The following AP3D1 variants were observed in gnomAD, a reference collection of about 807,000 sequenced individuals.
AP3D1 encodes adaptor related protein complex 3 subunit delta 1.
AP3D1 carries 51 observed loss-of-function variants against 147.6 expected under a neutral mutation model. The ratio of observed to expected loss-of-function variants is 0.35; its 90% CI spans 0.28 to 0.44. AP3D1 has a LOEUF of 0.44. AP3D1 is among the 20% of genes least tolerant of loss of function. The pLI is 1.00. For synonymous variants in AP3D1, 760 were observed against 663.0 expected, an observed-to-expected ratio of 1.15 and a Z score of -2.25; for missense variants, 1,421 against 1,624.2, an observed-to-expected ratio of 0.87 and a Z score of 2.15.
In AP3D1 at chr19:2,129,448, G is replaced by T; in HGVS notation, c.602C>A (p.Ser201Ter). The T allele has an allele frequency of 6.2e-7, 1 of 1,613,752 alleles. No individual in the cohort carries two copies. Among genetic ancestry groups the T allele is most frequent in the Non-Finnish European group, 8.5e-7 (1 of 1,179,790 alleles). The change falls in exon 7 of 32, where the codon TCG becomes TAG. Residue 201 changes from serine to a stop codon, truncating the protein, a stop_gained. Transcript: ENST00000643116. LOFTEE classifies it high-confidence loss of function. ...KLEDPDPGVQSAAVNVICELA... is the reference protein window; with the variant it reads ...KLEDPDPGVQ ...CTCGCAGATGACATTGACGGCAGCC[G>T]ACTGAACCCCTGGGGAACAAGGGGT...
At chr19:2,111,173 G>C (rs917726801) in intron 26 of AP3D1, 112 bp downstream of exon 26, 76 of 1,368,462 alleles carry the variant, frequency 5.6e-5, no homozygotes, top group Non-Finnish European at 7.7e-5. Context: ...GGAATCACAG[G>C]CCCTGGGTAT....
chr19:2,120,486 CAG>C lies in AP3D1; in HGVS notation c.1481+374_1481+375del, dbSNP rs1211838829. Reference sequence around the variant, plus strand: ...GAGCTCCCACCTCACCTACAGCAAACAGGGCTCAGAAGGGCTGCCACGCGCCC... The same window carrying C: ...GAGCTCCCACCTCACCTACAGCAAACGGCTCAGAAGGGCTGCCACGCGCCC... On this transcript the variant is annotated intron_variant, in intron 14 of 31. Coordinates refer to ENST00000643116, the MANE Select transcript of AP3D1 (RefSeq NM_001261826.3). Among the ~76,000 whole-genome samples the C allele has an allele frequency of 7.2e-5, 11 of 152,342 alleles. No homozygotes were observed. The South Asian group carries it at 1.4e-3, about 20-fold the overall frequency.
intron 5 of AP3D1, 64 bp from the exon 6 acceptor site, chr19:2,130,601 C>G: frequency 6.3e-7 from 1 of 1,597,298 alleles, no homozygotes; most frequent in Non-Finnish European, 8.5e-7. Context: ...CTCGCCCCTC[C>G]CAGCCGCCTC....
At chr19:2,154,428 C>T (rs1188277828), upstream of AP3D1, among the ~76,000 whole-genome samples, 15 of 151,900 alleles carry the variant, frequency 9.9e-5, no homozygotes, top group Non-Finnish European at 2.2e-4. Context: ...TACAGGCGCT[C>T]GCCACCACGC....
At chr19:2,105,409 T>C (rs551033995) in intron 31 of AP3D1, among the ~76,000 whole-genome samples, 5 of 152,360 alleles carry the variant, frequency 3.3e-5, no homozygotes, top group East Asian at 1.9e-4. Flanking sequence ...CTTAAAGGCA[T>C]TCTTAAGCCA....
chr19:2,132,452 G>C lies in AP3D1; in HGVS notation c.462+19C>G. On this transcript the variant is annotated intron_variant, in intron 5 of 31. Transcript: ENST00000643116. ...CCAGAGCAGACATGCAGGGGTGGTG[G>C]GCAGGCTTACAAACTCACCAGTGTC... is the stretch of plus-strand genomic sequence containing the variant. 1 of 1,581,654 alleles carries C rather than the reference G, an allele frequency of 6.3e-7. No homozygotes were observed. Among genetic ancestry groups the C allele is most frequent in the Non-Finnish European group, 8.7e-7 (1 of 1,152,884 alleles).
intron 27 of AP3D1, 87 bp from the exon 28 acceptor site, chr19:2,110,311 C>A: frequency 8.8e-7 from 1 of 1,131,154 alleles, no homozygotes; most frequent in Non-Finnish European, 1.3e-6. Flanking sequence ...AGTCCCAAGT[C>A]CTCTGTGGCT....
chr19:2,127,990 T>G (rs2018806797), intron 8 of AP3D1, among the ~76,000 whole-genome samples: 1 of 152,220 alleles, frequency 6.6e-6, no homozygotes, highest in Non-Finnish European at 1.5e-5. Context: ...CGTGTGCGCG[T>G]ATGCTACACT....
At chr19:2,105,515 TC>T (rs2018085731) in intron 31 of AP3D1, among the ~76,000 whole-genome samples, 1 of 152,216 alleles carries the variant, frequency 6.6e-6, no homozygotes, top group Non-Finnish European at 1.5e-5. Flanking sequence ...TCCATTCGTT[TC>T]CCGTAGGGGA....
chr19:2,154,286 CT>C (rs35367011), upstream of AP3D1, among the ~76,000 whole-genome samples: 41,660 of 138,072 alleles, frequency 0.3, 6,822 homozygotes, highest in Non-Finnish European at 0.41. Context: ...TTTTTTTTTT[CT>C]TTTTTTTTTT....
At chr19:2,152,241 A>C (rs2019552632), upstream of AP3D1, among the ~76,000 whole-genome samples, 1 of 152,060 alleles carries the variant, frequency 6.6e-6, no homozygotes, top group Admixed American at 6.6e-5. Context: ...GAGATTGTAA[A>C]AAAAAGCTCT....
intron 21 of AP3D1, 66 bp from the exon 22 acceptor site, chr19:2,114,368 T>C: frequency 7.2e-7 from 1 of 1,382,196 alleles, no homozygotes; most frequent in Non-Finnish European, 1.0e-6. Context: ...ACTCAGTACA[T>C]GCCGTGTCCA....
At chr19:2,153,910 C>T (rs117191345), upstream of AP3D1, among the ~76,000 whole-genome samples, 6 of 82,936 alleles carry the variant, frequency 7.2e-5, no homozygotes, top group African/African-American at 1.4e-4. Context: ...GCGCGATCTC[C>T]GCTCACTGCG....
chr19:2,146,594 C>G (rs1359840969), intron 1 of AP3D1, among the ~76,000 whole-genome samples: 2 of 124,178 alleles, frequency 1.6e-5, no homozygotes, highest in East Asian at 5.1e-4. Context: ...ACAGACGGAG[C>G]AAGACCCTGT....
Position 2,118,838 on chromosome 19 carries a change from G to A in AP3D1, c.1482-6C>T, listed in dbSNP as rs373811643. The stretch of plus-strand genomic sequence containing the variant: ...GGTGTGGTTCCTGCAGATGCCTGAG[G>A]ACAGGAAACACTGTGAGCCCCCAGG... On this transcript the variant is annotated splice_region_variant and splice_polypyrimidine_tract_variant and intron_variant, in intron 14 of 31. Coordinates refer to ENST00000643116, the MANE Select transcript of AP3D1 (RefSeq NM_001261826.3). 140 of 1,611,218 alleles carry A rather than the reference G, an allele frequency of 8.7e-5. 1 individual carries two copies. In the African/African-American group the frequency reaches 1.7e-3, roughly 20 times the overall value.
chr19:2,115,763 G>GC (rs1170464851), intron 18 of AP3D1, 150 bp from the exon 19 acceptor site: 1 of 792,836 alleles, frequency 1.3e-6, no homozygotes, highest in African/African-American at 1.7e-5. Flanking sequence ...AGCGCCGTGA[G>GC]CGAGCGCATC....
In AP3D1 at chr19:2,159,262, A is replaced by C. The variant is rs188304940; in HGVS notation, c.-103+5094T>G. Among the ~76,000 whole-genome samples, 668 of 143,868 alleles carry C rather than the reference A, an allele frequency of 4.6e-3. 7 individuals carry two copies. The highest frequency in any genetic ancestry group is 0.016 in the African/African-American group (612 of 37,920). The allele number at this position is 143,868 out of a possible 152,430, so 94.4% of individuals were successfully genotyped here. A position where few individuals can be genotyped will look rare whatever the true frequency, so the allele number is the denominator to read the frequency against. On this transcript the variant is annotated intron_variant, in intron 1 of 14. Transcript: ENST00000643010. ...GAGACGGAGTCTCCCTCTGTCACCC[A>C]GGCTGGAGTGCAATGGCGCGATCTC...
At chr19:2,125,579 A>G (rs1011114418) in intron 9 of AP3D1, among the ~76,000 whole-genome samples, 7 of 152,096 alleles carry the variant, frequency 4.6e-5, no homozygotes, top group Non-Finnish European at 1.5e-5. Flanking sequence ...TCGGCCTCCC[A>G]AAGTGCTGGG....
rs572898613 is a variant in AP3D1, at chr19:2,116,671, G to A, written c.1935C>T (p.Phe645=). The change falls in exon 17 of 32, where the codon TTC becomes TTT. Residue 645 remains phenylalanine, a synonymous_variant. Transcript: ENST00000643116. ...ESEDERPRAV[F]HEEEQRRPKH... ...TGGGACGCCGCTGCTCCTCCTCGTG[G>A]AAGACGGCCCTGGGCCTCTCGTCCT... 2 of 1,608,406 alleles carry A rather than the reference G, an allele frequency of 1.2e-6. No homozygotes were observed. The highest frequency in any genetic ancestry group is 1.1e-5 in the South Asian group (1 of 89,950).
Sources: gnomAD v4.1 joint callset for allele counts (sites outside exome capture counted in the v4.1 genomes callset) on GRCh38, gnomAD v4.1.1 for gene constraint, MANE v1.5 for transcripts, NCBI Gene and HGNC (gene_info 2026-07-23, HGNC 2026-07-21) for gene names.